Variants in PTPRQ observed in about 807,000 individuals in gnomAD.
PTPRQ encodes protein tyrosine phosphatase receptor type Q, also known as phosphatidylinositol phosphatase PTPRQ.
PTPRQ carries 199 observed loss-of-function variants against 246.0 expected under a neutral mutation model. The ratio of observed to expected loss-of-function variants is 0.81; its 90% CI spans 0.72 to 0.91. PTPRQ has a LOEUF of 0.91. Among genes scored for constraint, PTPRQ ranks in the 40% least tolerant of loss-of-function variants. PTPRQ has a pLI of 0.00. For synonymous variants in PTPRQ, 869 were observed against 853.2 expected (o/e 1.02, Z -0.32); for missense variants, 2,624 against 2,528.4 (o/e 1.04, Z -0.81).
intron 17 of PTPRQ, among the ~76,000 whole-genome samples, chr12:80,524,731 CAGAG>C (rs1199664646): frequency 2.0e-5 from 3 of 151,906 alleles, no homozygotes; most frequent in African/African-American, 4.8e-5. Context: ...AAAAATACCA[CAGAG>C]AAAAGAATAT....
At chr12:80,591,327 C>T (rs557189173) in intron 26 of PTPRQ, among the ~76,000 whole-genome samples, 27 of 152,134 alleles carry the variant, frequency 1.8e-4, no homozygotes, top group African/African-American at 6.5e-4. Context: ...TGAGGTCTCA[C>T]TATATTGCCC....
intron 43 of PTPRQ, among the ~76,000 whole-genome samples, chr12:80,673,556 A>T (rs1805913607): frequency 6.6e-6 from 1 of 152,154 alleles, no homozygotes; most frequent in South Asian, 2.1e-4. Context: ...ATAGGCATGT[A>T]GGCAGTAACA....
chr12:80,624,367 G>A (rs1899115633), intron 33 of PTPRQ, among the ~76,000 whole-genome samples: 1 of 152,150 alleles, frequency 6.6e-6, no homozygotes, highest in African/African-American at 2.4e-5. Context: ...CAGTCTTTTA[G>A]GTTGCTCCTT....
chr12:80,615,917 T>A (rs1249258801), intron 29 of PTPRQ, among the ~76,000 whole-genome samples: 1 of 150,968 alleles, frequency 6.6e-6, no homozygotes, highest in Non-Finnish European at 1.5e-5. Flanking sequence ...ACTCAGCCTT[T>A]GTTCTCAGCG....
At chr12:80,602,654 C>A (rs115529731) in intron 26 of PTPRQ, among the ~76,000 whole-genome samples, 1 of 151,702 alleles carries the variant, frequency 6.6e-6, no homozygotes, top group Non-Finnish European at 1.5e-5. Flanking sequence ...ATTCTCATGA[C>A]GTAATCACCT....
chr12:80,557,635 T>C (rs550750293), intron 25 of PTPRQ, among the ~76,000 whole-genome samples: 142 of 152,250 alleles, frequency 9.3e-4, no homozygotes, highest in Middle Eastern at 3.4e-3. Flanking sequence ...TTGATGAATG[T>C]ATTTTCTAAC....
At chr12:80,656,093 A>G (rs1900424222) in intron 38 of PTPRQ, among the ~76,000 whole-genome samples, 1 of 152,168 alleles carries the variant, frequency 6.6e-6, no homozygotes, top group African/African-American at 2.4e-5. Context: ...CTTCCTTAGT[A>G]ACAGGACTAG....
intron 8 of PTPRQ, among the ~76,000 whole-genome samples, chr12:80,482,207 C>G (rs1432701362): frequency 1.3e-5 from 2 of 149,604 alleles, no homozygotes; most frequent in African/African-American, 4.9e-5. Context: ...ACAGAGCCCT[C>G]AGAAATAACG....
chr12:80,578,839 G>T (rs1048777916), intron 25 of PTPRQ, among the ~76,000 whole-genome samples: 2 of 152,002 alleles, frequency 1.3e-5, no homozygotes, highest in South Asian at 2.1e-4. Context: ...TTGTATTTTT[G>T]TTCATTTAAT....
In PTPRQ at chr12:80,484,492, A is replaced by G; in HGVS notation, c.1246A>G (p.Thr416Ala). The change falls in exon 9 of 45, where the codon ACT becomes GCT. Residue 416 changes from threonine (T) to alanine (A), a missense_variant. Coordinates refer to ENST00000644991, the MANE Select transcript of PTPRQ (RefSeq NM_001145026.2). ...GGTAGAATCCACGCAAGTAAGAATT[A>G]CTTGGAAGAAACCACGACAACCAAA... ...AEVESTQVRI[T>A]WKKPRQPNGI... is the part of the protein sequence containing the mutation. The G allele has an allele frequency of 6.4e-7, 1 of 1,551,292 alleles. No homozygotes were observed. Among genetic ancestry groups the G allele is most frequent in the Non-Finnish European group, 8.7e-7 (1 of 1,146,852 alleles).
At chr12:80,473,419 A>G (rs1404586955) in intron 8 of PTPRQ, among the ~76,000 whole-genome samples, 1 of 152,244 alleles carries the variant, frequency 6.6e-6, no homozygotes, top group Non-Finnish European at 1.5e-5. Flanking sequence ...CTAGGAAACT[A>G]GACAGATTTA....
intron 35 of PTPRQ, among the ~76,000 whole-genome samples, chr12:80,643,923 G>A (rs1370950721): frequency 6.6e-6 from 1 of 152,110 alleles, no homozygotes; most frequent in African/African-American, 2.4e-5. Context: ...TACACCAATT[G>A]ACAAATTTGA....
chr12:80,538,832 T>G (rs1170506876), intron 19 of PTPRQ, among the ~76,000 whole-genome samples: 1 of 152,144 alleles, frequency 6.6e-6, no homozygotes, highest in African/African-American at 2.4e-5. Flanking sequence ...CATCTAATCC[T>G]CACAAGTTGT....
At chr12:80,463,836 C>T (rs1216749044) in intron 6 of PTPRQ, among the ~76,000 whole-genome samples, 53 of 150,884 alleles carry the variant, frequency 3.5e-4, no homozygotes, top group African/African-American at 1.2e-3. Flanking sequence ...TTGTCACCAC[C>T]AGGCCTGCCC....
chr12:80,667,337 T>C (rs1013167129), intron 39 of PTPRQ, among the ~76,000 whole-genome samples: 7 of 151,982 alleles, frequency 4.6e-5, no homozygotes, highest in African/African-American at 1.7e-4. Context: ...TGGAGAACAC[T>C]ATGATAAGTG....
At position 80,679,103 on chromosome 12, in the gene PTPRQ, A is replaced by T; in HGVS notation, c.*80A>T. 2 of 1,496,504 alleles carry T rather than the reference A, an allele frequency of 1.3e-6. No individual in the cohort carries two copies. Among genetic ancestry groups the T allele is most frequent in the Non-Finnish European group, 1.8e-6 (2 of 1,118,604 alleles). 92.7% of individuals were successfully genotyped at this position (1,496,504 alleles called of 1,614,324 possible). ...GTTACCCCCTCATTCTTCCGAATTG[A>T]AATGTGCAACCTTAAAGAAATATCT... On this transcript the variant is annotated 3_prime_UTR_variant, in exon 45 of 45. Transcript: ENST00000644991.
intron 7 of PTPRQ, among the ~76,000 whole-genome samples, chr12:80,469,312 A>G (rs965406513): frequency 1.3e-5 from 2 of 152,194 alleles, no homozygotes; most frequent in African/African-American, 4.8e-5. Flanking sequence ...CTGCTTTAAA[A>G]AAGAAAACCT....
At position 80,633,942 on chromosome 12, in the gene PTPRQ, A is replaced by G. The variant is rs149677249; in HGVS notation, c.5787-1003A>G. On this transcript the variant is annotated intron_variant, in intron 34 of 44. Coordinates refer to ENST00000644991, the MANE Select transcript of PTPRQ (RefSeq NM_001145026.2). ...GCCTACTCACTAGCTAAAGAGATCTATTCTCACCTGAACATTCCTTGGGCT... is the reference window on the plus strand; with the variant it reads ...GCCTACTCACTAGCTAAAGAGATCTGTTCTCACCTGAACATTCCTTGGGCT... Among the ~76,000 whole-genome samples the G allele has an allele frequency of 1.6e-3, 250 of 152,290 alleles. 1 individual carries two copies. Among genetic ancestry groups the G allele is most frequent in the African/African-American group, 4.7e-3 (195 of 41,572 alleles).
intron 26 of PTPRQ, among the ~76,000 whole-genome samples, chr12:80,601,230 TTTC>T (rs1898132989): frequency 6.6e-6 from 1 of 151,788 alleles, no homozygotes; most frequent in South Asian, 2.1e-4. Flanking sequence ...TATTTATATT[TTTC>T]TAATATATAT....
Sources: allele counts gnomAD v4.1 joint callset (sites outside exome capture counted in the v4.1 genomes callset), GRCh38; gene constraint gnomAD v4.1.1; transcripts MANE v1.5; gene names NCBI Gene and HGNC (gene_info 2026-07-23, HGNC 2026-07-21).